The following GALNT17 variants were observed in gnomAD, a reference collection of about 807,000 sequenced individuals.
GALNT17 encodes the protein polypeptide N-acetylgalactosaminyltransferase 17.
In GALNT17, 29 loss-of-function variants were observed where a neutral mutation model predicts 63.7. That is an observed-to-expected ratio of 0.46 (90% CI 0.34 to 0.62). GALNT17 has a LOEUF of 0.62. GALNT17 is among the 20% of genes least tolerant of loss of function. The pLI is 0.01. For missense variants in GALNT17, 603 were observed against 799.6 expected (o/e 0.75, Z 2.97); for synonymous variants, 305 against 318.3 (o/e 0.96, Z 0.45).
chr7:71,474,391 G>A (rs1016881245), intron 5 of GALNT17, among the ~76,000 whole-genome samples: 3 of 152,084 alleles, frequency 2.0e-5, no homozygotes, highest in Admixed American at 2.0e-4. Context: ...AGCCCAATAG[G>A]TCTCAGCCTT....
chr7:71,450,188 T>G (rs1407067724), intron 5 of GALNT17, among the ~76,000 whole-genome samples: 1 of 148,110 alleles, frequency 6.8e-6, no homozygotes, highest in Admixed American at 6.8e-5. Context: ...CAGGATGGAG[T>G]GCAGTCGCGC....
intron 1 of GALNT17, among the ~76,000 whole-genome samples, chr7:71,305,952 C>G (rs1187694266): frequency 6.6e-6 from 1 of 152,224 alleles, no homozygotes; most frequent in Non-Finnish European, 1.5e-5. Context: ...GGCATGGTGG[C>G]CCACGCCTGT....
intron 2 of GALNT17, among the ~76,000 whole-genome samples, chr7:71,368,642 T>G (rs1001466256): frequency 1.3e-5 from 2 of 152,174 alleles, no homozygotes; most frequent in Non-Finnish European, 2.9e-5. Flanking sequence ...TATTTTTTTC[T>G]TAAGGAGCTG....
intron 1 of GALNT17, among the ~76,000 whole-genome samples, chr7:71,202,852 A>G (rs1163124479): frequency 2.6e-5 from 4 of 152,212 alleles, no homozygotes; most frequent in African/African-American, 9.6e-5. Context: ...TCCACATATA[A>G]GTGAGATTAC....
intron 6 of GALNT17, among the ~76,000 whole-genome samples, chr7:71,641,502 G>A (rs11975959): frequency 0.095 from 14,525 of 152,096 alleles, 2,120 homozygotes; most frequent in African/African-American, 0.32. Flanking sequence ...TCTGTGTCTG[G>A]TAAGGGCCCA....
intron 1 of GALNT17, among the ~76,000 whole-genome samples, chr7:71,251,113 A>C (rs1790190108): frequency 6.6e-6 from 1 of 152,024 alleles, no homozygotes. Context: ...GGTGTGCTGC[A>C]CCCATTAACT....
At chr7:71,452,636 G>A (rs1787284610) in intron 5 of GALNT17, among the ~76,000 whole-genome samples, 1 of 152,156 alleles carries the variant, frequency 6.6e-6, no homozygotes, top group African/African-American at 2.4e-5. Context: ...TATTTATTGG[G>A]TAGAAAAGTT....
At chr7:71,294,068 A>G (rs1159212789) in intron 1 of GALNT17, among the ~76,000 whole-genome samples, 2 of 151,880 alleles carry the variant, frequency 1.3e-5, no homozygotes, top group African/African-American at 4.8e-5. Context: ...AGGCTGAGGC[A>G]GGAGAATGGT....
intron 1 of GALNT17, among the ~76,000 whole-genome samples, chr7:71,272,993 C>CTTTTTTTTTTTTTTTTTTTTTTTTTTTA (rs1790620118): frequency 6.8e-6 from 1 of 147,292 alleles, no homozygotes; most frequent in African/African-American, 2.7e-5. Flanking sequence ...ATTTTTATTG[C>CTTTTTTTTTTTTTTTTTTTTTTTTTTTA]TTTTGAGTTG....
intron 5 of GALNT17, among the ~76,000 whole-genome samples, chr7:71,424,267 A>T (rs1365701355): frequency 6.6e-6 from 1 of 152,232 alleles, no homozygotes; most frequent in Non-Finnish European, 1.5e-5. Flanking sequence ...ATGGACTGAC[A>T]GACAGTGAGT....
At chr7:71,172,745 G>C (rs753832613) in intron 1 of GALNT17, among the ~76,000 whole-genome samples, 2 of 152,140 alleles carry the variant, frequency 1.3e-5, no homozygotes, top group African/African-American at 2.4e-5. Flanking sequence ...CCCTAGCCTT[G>C]GAATTGCTCT....
chr7:71,197,940 G>A (rs967832937), intron 1 of GALNT17, among the ~76,000 whole-genome samples: 1 of 152,054 alleles, frequency 6.6e-6, no homozygotes, highest in African/African-American at 2.4e-5. Context: ...ACTCATGCCT[G>A]TAATCCCAGC....
chr7:71,489,928 G>A (rs1184320778), intron 5 of GALNT17, among the ~76,000 whole-genome samples: 1 of 152,166 alleles, frequency 6.6e-6, no homozygotes, highest in Non-Finnish European at 1.5e-5. Context: ...GGAGGCCAAG[G>A]CGGGAGGATC....
In GALNT17 at chr7:71,467,726, A is replaced by G. The variant is rs796356660; in HGVS notation, c.962+46621A>G. Among the ~76,000 whole-genome samples the G allele has an allele frequency of 2.4e-4, 37 of 152,186 alleles. 1 individual carries two copies. The highest frequency in any genetic ancestry group is 8.4e-4 in the African/African-American group (35 of 41,520). On this transcript the variant is annotated intron_variant, in intron 5 of 10. Coordinates refer to ENST00000333538, the MANE Select transcript of GALNT17 (RefSeq NM_022479.3). ...GACTCTGAGGGCCTGAGACTTATGC[A>G]TGGAGTTCTGCTCTAGACAACAGGG...
chr7:71,236,615 G>A (rs1003312260), intron 1 of GALNT17, among the ~76,000 whole-genome samples: 2 of 152,148 alleles, frequency 1.3e-5, no homozygotes, highest in African/African-American at 4.8e-5. Flanking sequence ...GGACGGGCTG[G>A]TGTTCCCTCT....
chr7:71,213,569 C>A (rs1337785742), intron 1 of GALNT17, among the ~76,000 whole-genome samples: 1 of 152,172 alleles, frequency 6.6e-6, no homozygotes, highest in Admixed American at 6.5e-5. Flanking sequence ...AGTAACCCAG[C>A]CGTTTTTACT....
intron 5 of GALNT17, among the ~76,000 whole-genome samples, chr7:71,561,438 A>C (rs924738438): frequency 3.3e-5 from 5 of 152,174 alleles, no homozygotes; most frequent in Admixed American, 2.0e-4. Context: ...GGACAACTCC[A>C]GGGGTGAGGA....
intron 5 of GALNT17, among the ~76,000 whole-genome samples, chr7:71,568,460 G>T (rs1336886184): frequency 6.6e-6 from 1 of 152,190 alleles, no homozygotes; most frequent in Non-Finnish European, 1.5e-5. Flanking sequence ...TAGTTGCTCG[G>T]ATGACAGAGG....
intron 1 of GALNT17, among the ~76,000 whole-genome samples, chr7:71,194,243 T>C (rs866026980): frequency 1.1e-4 from 16 of 152,288 alleles, no homozygotes; most frequent in African/African-American, 3.6e-4. Flanking sequence ...ATGTCATAAA[T>C]GAGGAATTTG....
Sources: gnomAD v4.1 joint callset for allele counts (sites outside exome capture counted in the v4.1 genomes callset) on GRCh38, gnomAD v4.1.1 for gene constraint, MANE v1.5 for transcripts, NCBI Gene and HGNC (gene_info 2026-07-23, HGNC 2026-07-21) for gene names.